Variants in LNX1 observed in about 807,000 individuals in gnomAD.
LNX1 encodes the protein E3 ubiquitin-protein ligase LNX.
A neutral mutation model predicts 68.4 loss-of-function variants in LNX1; 54 were observed. The ratio of observed to expected loss-of-function variants is 0.79; its 90% CI spans 0.63 to 0.99. The LOEUF is 0.99. Among genes scored for constraint, LNX1 ranks in the 50% least tolerant of loss-of-function variants. The probability of loss-of-function intolerance (pLI) is 0.00; values close to 1 mark genes in which losing one functional copy is unlikely to be tolerated. For missense variants in LNX1, 906 were observed against 926.4 expected (o/e 0.98, Z 0.29); for synonymous variants, 336 against 350.0 (o/e 0.96, Z 0.45).
At chr4:53,468,285 C>G (rs1722859685) in intron 9 of LNX1, among the ~76,000 whole-genome samples, 2 of 152,150 alleles carry the variant, frequency 1.3e-5, no homozygotes, top group East Asian at 3.9e-4. Context: ...TACAGACAAG[C>G]AAATGCTGAG....
At chr4:53,479,852 A>G (rs938740702) in intron 7 of LNX1, among the ~76,000 whole-genome samples, 2 of 152,260 alleles carry the variant, frequency 1.3e-5, no homozygotes, top group Non-Finnish European at 2.9e-5. Flanking sequence ...AAAAAAGCAT[A>G]AAGAATAACA....
At chr4:53,567,725 T>G (rs1730801090) in intron 2 of LNX1, among the ~76,000 whole-genome samples, 2 of 151,612 alleles carry the variant, frequency 1.3e-5, no homozygotes, top group Admixed American at 1.3e-4. Flanking sequence ...ATTGAAAGGA[T>G]CAACAAAATT....
chr4:53,501,298 T>TGGGGGGG (rs1553932758), intron 4 of LNX1, among the ~76,000 whole-genome samples: 4 of 9,496 alleles, frequency 4.2e-4, no homozygotes, highest in South Asian at 0.011. Context: ...TTTTTTTTTT[T>TGGGGGGG]TGGGGGTGGG....
At chr4:53,559,350 A>G (rs1186797601) in intron 2 of LNX1, among the ~76,000 whole-genome samples, 2 of 152,220 alleles carry the variant, frequency 1.3e-5, no homozygotes, top group African/African-American at 4.8e-5. Context: ...TTGGAATTCT[A>G]TTCTCTGTAA....
intron 2 of LNX1, among the ~76,000 whole-genome samples, chr4:53,531,722 T>C (rs1259843172): frequency 1.3e-5 from 2 of 152,208 alleles, no homozygotes; most frequent in South Asian, 2.1e-4. Flanking sequence ...ATTTGTAATA[T>C]GTTTGAACCA....
intron 1 of LNX1, chr4:53,575,468 C>A: frequency 1.0e-6 from 1 of 982,490 alleles, no homozygotes. Context: ...ATATGCAGAC[C>A]TTTGAGAGAG....
intron 2 of LNX1, among the ~76,000 whole-genome samples, chr4:53,614,459 C>A (rs1394605640): frequency 6.6e-6 from 1 of 152,164 alleles, no homozygotes; most frequent in Non-Finnish European, 1.5e-5. Context: ...AGTGAAGTGA[C>A]CCCCACACTA....
chr4:53,583,563 C>A (rs141620414), intron 1 of LNX1, among the ~76,000 whole-genome samples: 1 of 147,428 alleles, frequency 6.8e-6, no homozygotes, highest in Non-Finnish European at 1.5e-5. Context: ...AAAAAAAAAA[C>A]CCTTTTAAAT....
intron 6 of LNX1, among the ~76,000 whole-genome samples, chr4:53,494,395 A>C (rs191179744): frequency 6.6e-6 from 1 of 152,180 alleles, no homozygotes; most frequent in Non-Finnish European, 1.5e-5. Context: ...TATCAGCAGC[A>C]AGAGAATGGA....
intron 9 of LNX1, among the ~76,000 whole-genome samples, chr4:53,464,477 A>G (rs1030044975): frequency 9.0e-4 from 19 of 21,024 alleles, no homozygotes; most frequent in Non-Finnish European, 1.9e-3. Flanking sequence ...TTTTAATATA[A>G]TCAACATGAA....
intron 2 of LNX1, among the ~76,000 whole-genome samples, chr4:53,572,502 G>A (rs1731231496): frequency 1.3e-5 from 2 of 152,178 alleles, no homozygotes; most frequent in Admixed American, 6.5e-5. Flanking sequence ...TGTCCCAAAA[G>A]ACAAAGGCTC....
intron 1 of LNX1, among the ~76,000 whole-genome samples, chr4:53,625,844 CGTGTGTGTGTGTGT>C (rs59366709): frequency 7.6e-5 from 11 of 144,164 alleles, no homozygotes; most frequent in African/African-American, 1.6e-4. Context: ...AATTCCACCC[CGTGTGTGTGTGTGT>C]GTGTGTGTGT....
chr4:53,536,883 T>C (rs1728411285), intron 2 of LNX1, among the ~76,000 whole-genome samples: 1 of 152,220 alleles, frequency 6.6e-6, no homozygotes, highest in Non-Finnish European at 1.5e-5. Context: ...ACAAATATTT[T>C]AGTATAGATG....
chr4:53,563,850 T>G (rs1459569134), intron 2 of LNX1, among the ~76,000 whole-genome samples: 4 of 152,216 alleles, frequency 2.6e-5, no homozygotes, highest in Non-Finnish European at 5.9e-5. Flanking sequence ...CTTCAAATTC[T>G]TAATCCTTGC....
intron 7 of LNX1, 29 bp downstream of exon 7, chr4:53,481,691 G>C: frequency 6.2e-7 from 1 of 1,601,932 alleles, no homozygotes; most frequent in South Asian, 1.1e-5. Context: ...CCCCTTGCAG[G>C]AGCAGGCGAC....
intron 2 of LNX1, among the ~76,000 whole-genome samples, chr4:53,522,707 A>C (rs544230489): frequency 1.3e-4 from 20 of 152,324 alleles, no homozygotes; most frequent in African/African-American, 4.8e-4. Flanking sequence ...TGATTTCAAA[A>C]GTAATTGAGG....
At chr4:53,493,082 A>T (rs1463025057) in intron 6 of LNX1, among the ~76,000 whole-genome samples, 2 of 151,924 alleles carry the variant, frequency 1.3e-5, no homozygotes, top group Non-Finnish European at 2.9e-5. Context: ...CAGTTCTCCT[A>T]CCTCAGCCTC....
chr4:53,574,127 A>C, intron 1 of LNX1, 39 bp from the exon 2 acceptor site: 1 of 1,373,438 alleles, frequency 7.3e-7, no homozygotes, highest in Non-Finnish European at 9.6e-7. Flanking sequence ...GCTTCCCAGC[A>C]CATGAAAGGC....
At chr4:53,575,582 T>C in intron 1 of LNX1, 2 of 1,274,716 alleles carry the variant, frequency 1.6e-6, no homozygotes, top group Non-Finnish European at 2.0e-6. Context: ...TGGGTCAACT[T>C]TCATGGTGAT....
Sources: allele counts gnomAD v4.1 joint callset (sites outside exome capture counted in the v4.1 genomes callset), GRCh38; gene constraint gnomAD v4.1.1; transcripts MANE v1.5; gene names NCBI Gene and HGNC (gene_info 2026-07-23, HGNC 2026-07-21).